The following FBRSL1 variants were observed in gnomAD, a reference collection of about 807,000 sequenced individuals.
The protein encoded by FBRSL1 is fibrosin like 1.
FBRSL1 carries 51 observed loss-of-function variants against 89.6 expected under a neutral mutation model. That is an observed-to-expected ratio of 0.57 (90% confidence interval 0.45 to 0.72). The LOEUF is 0.72. FBRSL1 is among the 30% of genes least tolerant of loss of function. The pLI is 0.00. For missense variants in FBRSL1, 1,618 were observed against 1,451.8 expected, an observed-to-expected ratio of 1.11 and a Z score of -1.86; for synonymous variants, 779 against 681.1, an observed-to-expected ratio of 1.14 and a Z score of -2.24.
intron 1 of FBRSL1, among the ~76,000 whole-genome samples, chr12:132,503,562 G>A (rs1213260051): frequency 6.6e-6 from 1 of 152,242 alleles, no homozygotes; most frequent in African/African-American, 2.4e-5. Flanking sequence ...TTCGCAGCTG[G>A]AGGGGTAATT....
At chr12:132,568,869 C>T (rs984032350) in intron 6 of FBRSL1, among the ~76,000 whole-genome samples, 1 of 152,010 alleles carries the variant, frequency 6.6e-6, no homozygotes, top group Non-Finnish European at 1.5e-5. Context: ...GATGGGGCTG[C>T]TTCCTGCTGC....
At position 132,562,152 on chromosome 12, in the gene FBRSL1, G is replaced by A. The variant is rs375780423; in HGVS notation, c.646-5329G>A. 2.1e-4 allele frequency among the ~76,000 whole-genome samples: 32 copies of A among 152,330 alleles called. No individual in the cohort carries two copies. In the East Asian group the frequency reaches 5.4e-3, roughly 26 times the overall value. ...TAGCCTGGGTCACCGGCAGTGGCTG[G>A]ACGGGGCAGGGAGGTGGAGGCGGAC... On this transcript the variant is annotated intron_variant, in intron 5 of 18. Coordinates refer to ENST00000680143, the MANE Select transcript of FBRSL1 (RefSeq NM_001367871.1).
At position 132,555,631 on chromosome 12, in the gene FBRSL1, C is replaced by A. The variant is rs146892501; in HGVS notation, c.645+7599C>A. 1.5e-3 allele frequency among the ~76,000 whole-genome samples: 224 copies of A among 152,326 alleles called. 1 individual carries two copies. The highest frequency in any genetic ancestry group is 2.1e-3 in the Non-Finnish European group (142 of 68,032). ...TTGGGTTCATGCTCCCTCCAGAGGC[C>A]CCAGAGGAGGATCCTTCCTGCCTCT... is the stretch of plus-strand genomic sequence containing the variant. On this transcript the variant is annotated intron_variant, in intron 5 of 18. Transcript: ENST00000680143.
At chr12:132,562,768 C>T (rs2039243792) in intron 5 of FBRSL1, among the ~76,000 whole-genome samples, 1 of 152,092 alleles carries the variant, frequency 6.6e-6, no homozygotes, top group African/African-American at 2.4e-5. Context: ...CGCCTCGGCT[C>T]TTGCCATCTT....
chr12:132,551,187 GC>G, intron 5 of FBRSL1: 1 of 354,382 alleles, frequency 2.8e-6, no homozygotes, highest in Non-Finnish European at 5.6e-6. Flanking sequence ...CATCAGCAGT[GC>G]CCAGAGCCCC....
chr12:132,504,385 A>G (rs1186950903), intron 1 of FBRSL1, among the ~76,000 whole-genome samples: 1 of 152,226 alleles, frequency 6.6e-6, no homozygotes, highest in East Asian at 1.9e-4. Flanking sequence ...GAATTGCTAC[A>G]GGAAAATCTG....
chr12:132,567,367 ATCCC>A, intron 5 of FBRSL1, 110 bp from the exon 6 acceptor site: 1 of 1,012,730 alleles, frequency 9.9e-7, no homozygotes, highest in Non-Finnish European at 1.5e-6. Context: ...ACAAGGGCAC[ATCCC>A]GCCTGGCCCT....
chr12:132,572,026 G>T, intron 9 of FBRSL1: 1 of 552,238 alleles, frequency 1.8e-6, no homozygotes, highest in Non-Finnish European at 3.2e-6. Flanking sequence ...GCCTCAGCCA[G>T]GCACACAGAC....
chr12:132,574,528 C>T lies in FBRSL1; in HGVS notation c.1665C>T (p.Ile555=), dbSNP rs1376039441. 1.7e-5 allele frequency: 26 copies of T among 1,550,098 alleles called. 2 individuals are homozygous for T. Among genetic ancestry groups the T allele is most frequent in the South Asian group, 9.5e-5 (8 of 84,034 alleles). ...GGTGGTGTGCCGTGCACGTGCAGAT[C>T]GCCTGGCAGATCTACCGTCACCAGC... ...PGRWCAVHVQ[I]AWQIYRHQQK... is the part of the protein sequence containing the mutation. The change falls in exon 14 of 19, where the codon ATC becomes ATT. Residue 555 remains isoleucine (I), a synonymous_variant. Transcript: ENST00000680143.
In FBRSL1 at chr12:132,571,182, ACGTGGCGAGCGGCCACCCC is replaced by A; in HGVS notation, c.1329_1347del (p.His443GlnfsTer29). 2.1e-6 allele frequency: 3 copies of A among 1,431,204 alleles called. No homozygotes were observed. The highest frequency in any genetic ancestry group is 2.7e-6 in the Non-Finnish European group (3 of 1,091,562). The allele number at this position is 1,431,204 out of a possible 1,614,324, so 88.7% of individuals were successfully genotyped here. A position where few individuals can be genotyped will look rare whatever the true frequency, so the allele number is the denominator to read the frequency against. ...CTCTTACCTGCACCCCTGGGCCCGC[ACGTGGCGAGCGGCCACCCC>A]GGCTTGGCCTGCCGACCCCGGGAGT... On this transcript the variant is annotated frameshift_variant, in exon 9 of 19. Coordinates refer to ENST00000680143, the MANE Select transcript of FBRSL1 (RefSeq NM_001367871.1). LOFTEE classifies it high-confidence loss of function.
chr12:132,549,227 T>C (rs2037946950), intron 5 of FBRSL1, among the ~76,000 whole-genome samples: 1 of 152,182 alleles, frequency 6.6e-6, no homozygotes, highest in Admixed American at 6.5e-5. Flanking sequence ...CAGCCGTGTC[T>C]GGGGCTCCAG....
intron 4 of FBRSL1, among the ~76,000 whole-genome samples, chr12:132,531,266 T>C (rs2036255361): frequency 1.3e-5 from 2 of 152,124 alleles, no homozygotes; most frequent in Non-Finnish European, 2.9e-5. Context: ...GGGTCTGGAT[T>C]GTGCTGAAGC....
intron 2 of FBRSL1, among the ~76,000 whole-genome samples, chr12:132,518,793 T>C (rs1045119146): frequency 6.6e-6 from 1 of 150,650 alleles, no homozygotes; most frequent in African/African-American, 2.5e-5. Context: ...TACCTGTCTG[T>C]CCATCCATCC....
At chr12:132,537,913 C>T (rs1427095810) in intron 4 of FBRSL1, among the ~76,000 whole-genome samples, 1 of 152,218 alleles carries the variant, frequency 6.6e-6, no homozygotes, top group Non-Finnish European at 1.5e-5. Flanking sequence ...GGATCAGGGT[C>T]CTGAGCAGGA....
intron 18 of FBRSL1, among the ~76,000 whole-genome samples, 176 bp from the exon 19 acceptor site, chr12:132,582,795 C>T (rs1486648997): frequency 6.6e-6 from 1 of 152,048 alleles, no homozygotes; most frequent in Non-Finnish European, 1.5e-5. Context: ...GGCCGCCCAG[C>T]GGGGAGAGGA....
intron 4 of FBRSL1, among the ~76,000 whole-genome samples, chr12:132,529,966 G>A (rs371917339): frequency 5.4e-4 from 83 of 152,354 alleles, no homozygotes; most frequent in African/African-American, 1.6e-3. Context: ...TCACCTGTGC[G>A]CGGGGGCAAC....
chr12:132,582,402 G>T (rs2040830886), intron 18 of FBRSL1, 136 bp downstream of exon 18: 2 of 635,844 alleles, frequency 3.1e-6, no homozygotes, highest in Admixed American at 2.7e-5. Flanking sequence ...CCCTCCCCCT[G>T]TTCCCCTTCC....
At chr12:132,573,151 G>A (rs1373354134) in intron 11 of FBRSL1, among the ~76,000 whole-genome samples, 1 of 152,198 alleles carries the variant, frequency 6.6e-6, no homozygotes, top group Non-Finnish European at 1.5e-5. Context: ...GCCTTGTGCT[G>A]TAACCCCACC....
At position 132,576,864 on chromosome 12, in the gene FBRSL1, T is replaced by C. The variant is rs2138040302; in HGVS notation, c.1767T>C (p.Pro589=). ...AGCTGGACCTGTTCGGCAGACCCCC[T>C]GCCCCGGGCGTGTTTGCAGGCTTCC... is the stretch of plus-strand genomic sequence containing the variant. ...GAKLDLFGRP[P]APGVFAGFHY... is the part of the protein sequence containing the mutation. The change falls in exon 15 of 19, where the codon CCT becomes CCC. Residue 589 remains proline (P), a synonymous_variant. Coordinates refer to ENST00000680143, the MANE Select transcript of FBRSL1 (RefSeq NM_001367871.1). 1 of 1,550,992 alleles carries C rather than the reference T, an allele frequency of 6.4e-7. No homozygotes were observed. Among genetic ancestry groups the C allele is most frequent in the South Asian group, 1.2e-5 (1 of 84,036 alleles).
Sources: allele counts gnomAD v4.1 joint callset (sites outside exome capture counted in the v4.1 genomes callset), GRCh38; gene constraint gnomAD v4.1.1; transcripts MANE v1.5; gene names NCBI Gene and HGNC (gene_info 2026-07-23, HGNC 2026-07-21).